Variants in DEK observed in about 807,000 individuals in gnomAD.
DEK encodes the protein protein DEK.
A neutral mutation model predicts 46.8 loss-of-function variants in DEK; 28 were observed. The ratio of observed to expected loss-of-function variants is 0.60; its 90% CI spans 0.44 to 0.82. The LOEUF is 0.82. Among genes scored for constraint, DEK ranks in the 40% least tolerant of loss-of-function variants. The pLI is 0.00. For synonymous variants in DEK, 160 were observed against 144.5 expected (o/e 1.11, Z -0.77); for missense variants, 416 against 430.6 (o/e 0.97, Z 0.30).
In DEK at chr6:18,258,046, A is replaced by G. The variant is rs752581864; in HGVS notation, c.264T>C (p.Leu88=). The G allele has an allele frequency of 2.6e-5, 42 of 1,609,168 alleles. No individual in the cohort carries two copies. Among genetic ancestry groups the G allele is most frequent in the Non-Finnish European group, 1.7e-6 (2 of 1,178,542 alleles). Residue 88 remains leucine, a synonymous_variant, in exon 4 of 11, where the codon CTT becomes CTC. Coordinates refer to ENST00000652689, the MANE Select transcript of DEK (RefSeq NM_003472.4). ...FTIAQGKGQK[L]CEIERIHFFL... is the part of the protein sequence containing the mutation. Reference sequence around the variant, plus strand: ...AAAAATGTATCCTCTCAATTTCACAAAGTTTCTGCCCCTTTCCTGGGGAAA... The same window carrying G: ...AAAAATGTATCCTCTCAATTTCACAGAGTTTCTGCCCCTTTCCTGGGGAAA...
chr6:18,254,353 T>TAAC (rs748580888), intron 6 of DEK, among the ~76,000 whole-genome samples: 30 of 151,738 alleles, frequency 2.0e-4, no homozygotes, highest in African/African-American at 5.3e-4. Context: ...ACAACAACAG[T>TAAC]AACAACAACA....
At chr6:18,245,764 C>A (rs182972925) in intron 7 of DEK, among the ~76,000 whole-genome samples, 10 of 152,348 alleles carry the variant, frequency 6.6e-5, no homozygotes, top group African/African-American at 1.4e-4. Flanking sequence ...TTAACCTCAA[C>A]GGCTCATTGA....
chr6:18,239,032 C>T (rs986118079), intron 7 of DEK, among the ~76,000 whole-genome samples: 8 of 152,092 alleles, frequency 5.3e-5, no homozygotes, highest in African/African-American at 1.7e-4. Flanking sequence ...TCAAGTGATT[C>T]TCCTGCCTCA....
At chr6:18,237,002 G>C (rs2151081455) in intron 8 of DEK, 1 of 190,332 alleles carries the variant, frequency 5.3e-6, no homozygotes, top group Middle Eastern at 2.3e-3. Flanking sequence ...CAAGATAGGA[G>C]ACTCGCTTGA....
At position 18,263,927 on chromosome 6, in the gene DEK, T is replaced by C. The variant is rs776208437; in HGVS notation, c.61A>G (p.Lys21Glu). ...EGTPTQPASE[K>E]EPEMPGPREE... ...CTGGGACCGGGCATTTCGGGTTCTT[T>C]CTCGGACGCGGGCTGGGTGGGGGTT... The change falls in exon 2 of 11, where the codon AAA becomes GAA. Residue 21 changes from lysine to glutamate, a missense_variant. By Grantham distance (56) the Lys-to-Glu change is moderately conservative. Coordinates refer to ENST00000652689, the MANE Select transcript of DEK (RefSeq NM_003472.4). 1.4e-5 allele frequency: 22 copies of C among 1,612,362 alleles called. No individual in the cohort carries two copies. Among genetic ancestry groups the C allele is most frequent in the Admixed American group, 5.0e-5 (3 of 59,766 alleles).
At chr6:18,247,094 T>C (rs1791153542) in intron 7 of DEK, among the ~76,000 whole-genome samples, 1 of 152,182 alleles carries the variant, frequency 6.6e-6, no homozygotes, top group African/African-American at 2.4e-5. Flanking sequence ...ATGGCTGACA[T>C]TTAGAACTGA....
At chr6:18,263,777 C>T in intron 2 of DEK, 66 bp downstream of exon 2, 4 of 1,609,638 alleles carry the variant, frequency 2.5e-6, no homozygotes, top group Non-Finnish European at 3.4e-6. Context: ...AAACTGTTTC[C>T]TGGGTGAAAA....
chr6:18,240,151 G>A (rs908842900), intron 7 of DEK, among the ~76,000 whole-genome samples: 4 of 152,192 alleles, frequency 2.6e-5, no homozygotes, highest in African/African-American at 9.6e-5. Flanking sequence ...CCTGCAAATT[G>A]TGAGTAGTGA....
chr6:18,250,988 TAATC>T (rs969076890), intron 6 of DEK, among the ~76,000 whole-genome samples: 1 of 152,226 alleles, frequency 6.6e-6, no homozygotes, highest in African/African-American at 2.4e-5. Context: ...ATTATTCTGA[TAATC>T]AATTAAACCA....
intron 4 of DEK, among the ~76,000 whole-genome samples, chr6:18,257,159 G>A (rs1791632028): frequency 6.6e-6 from 1 of 152,098 alleles, no homozygotes; most frequent in Admixed American, 6.6e-5. Flanking sequence ...TGCTAAAAAT[G>A]AGATACAATT....
intron 9 of DEK, among the ~76,000 whole-genome samples, chr6:18,234,672 TG>T (rs1790571910): frequency 6.6e-6 from 1 of 152,134 alleles, no homozygotes; most frequent in African/African-American, 2.4e-5. Context: ...CCCCTCCAGT[TG>T]TATCTGGATT....
At chr6:18,239,998 C>G (rs1473312280) in intron 7 of DEK, among the ~76,000 whole-genome samples, 5 of 151,956 alleles carry the variant, frequency 3.3e-5, no homozygotes, top group Admixed American at 2.6e-4. Context: ...GAAGGTTGAG[C>G]AAAAGAAACA....
At chr6:18,226,608 T>A (rs1307856263) in intron 9 of DEK, among the ~76,000 whole-genome samples, 1 of 152,156 alleles carries the variant, frequency 6.6e-6, no homozygotes, top group South Asian at 2.1e-4. Context: ...GGTGAGACCT[T>A]GTGTCTACAA....
chr6:18,228,083 CCCT>C (rs1790217546), intron 9 of DEK, among the ~76,000 whole-genome samples: 1 of 152,136 alleles, frequency 6.6e-6, no homozygotes, highest in Non-Finnish European at 1.5e-5. Flanking sequence ...TCTGCAAGCA[CCCT>C]GTAGGCTTTA....
intron 6 of DEK, among the ~76,000 whole-genome samples, chr6:18,254,555 G>T (rs191349522): frequency 3.6e-4 from 54 of 151,810 alleles, no homozygotes; most frequent in African/African-American, 1.3e-3. Flanking sequence ...ATACAGTGAA[G>T]ATCAAAATAA....
chr6:18,242,567 G>A (rs146837886), intron 7 of DEK, among the ~76,000 whole-genome samples: 1 of 152,320 alleles, frequency 6.6e-6, no homozygotes, highest in African/African-American at 2.4e-5. Flanking sequence ...TGCCCGGGAT[G>A]TGAATCATCC....
intron 6 of DEK, among the ~76,000 whole-genome samples, chr6:18,254,279 A>T (rs1791511677): frequency 6.6e-6 from 1 of 152,106 alleles, no homozygotes; most frequent in Admixed American, 6.5e-5. Flanking sequence ...TGCAGTGAGC[A>T]GAGATTGTGC....
intron 6 of DEK, among the ~76,000 whole-genome samples, chr6:18,252,868 A>G (rs934753024): frequency 1.3e-5 from 2 of 152,248 alleles, no homozygotes; most frequent in Non-Finnish European, 2.9e-5. Flanking sequence ...ATTCCTCACA[A>G]CCACACACCA....
chr6:18,264,245 C>T (rs560657674), intron 1 of DEK, 140 bp downstream of exon 1: 1 of 270,126 alleles, frequency 3.7e-6, no homozygotes, highest in East Asian at 6.8e-5. Context: ...GCCCGGCCTG[C>T]GCTGTTCCCG....
Sources: gnomAD v4.1 joint callset for allele counts (sites outside exome capture counted in the v4.1 genomes callset) on GRCh38, gnomAD v4.1.1 for gene constraint, MANE v1.5 for transcripts, NCBI Gene and HGNC (gene_info 2026-07-23, HGNC 2026-07-21) for gene names.